The following ST3GAL1 variants were observed in gnomAD, a reference collection of about 807,000 sequenced individuals.
The protein encoded by ST3GAL1 is ST3 beta-galactoside alpha-2,3-sialyltransferase 1.
A neutral mutation model predicts 34.1 loss-of-function variants in ST3GAL1; 16 were observed. That is an observed-to-expected ratio of 0.47 (90% CI 0.32 to 0.71). The LOEUF (loss-of-function observed/expected upper bound fraction) is 0.71, where lower values mean the gene tolerates loss of function less well. Ranked by LOEUF, ST3GAL1 falls within the 30% of genes least tolerant of loss-of-function variation. ST3GAL1 has a pLI of 0.04. For missense variants in ST3GAL1, 353 were observed against 447.4 expected (o/e 0.79, Z 1.90); for synonymous variants, 191 against 184.7 (o/e 1.03, Z -0.28).
rs1312871761 is a variant in ST3GAL1 at position 133,469,887 on chromosome 8, T to C, written c.307-3797A>G. 6.6e-6 allele frequency among the ~76,000 whole-genome samples: 1 copy of C among 152,104 alleles called. No individual in the cohort carries two copies. Among genetic ancestry groups the C allele is most frequent in the Non-Finnish European group, 1.5e-5 (1 of 68,026 alleles). ...TTCAGAAATCTCAGACCCATTCCAA[T>C]CTTTCATTGGCAAAAGGGGAAATGG... On this transcript the variant is annotated intron_variant, in intron 5 of 9. Coordinates refer to ENST00000522652, the MANE Select transcript of ST3GAL1 (RefSeq NM_173344.3). The surrounding 1 kb of genome is among the most constrained non-coding windows in gnomAD (Gnocchi z 4.3).
rs1012568568 is a variant in ST3GAL1, at chr8:133,514,755, G to A, written c.-428-15566C>T. Reference sequence around the variant, plus strand: ...AATCCTGGGGCACTAGGTGGGGAGGGTCAGGGTTCAGACATCACATGGGTC... The same window carrying A: ...AATCCTGGGGCACTAGGTGGGGAGGATCAGGGTTCAGACATCACATGGGTC... On this transcript the variant is annotated intron_variant, in intron 2 of 9. Coordinates refer to ENST00000522652, the MANE Select transcript of ST3GAL1 (RefSeq NM_173344.3). Among the ~76,000 whole-genome samples, 16 of 152,228 alleles carry A rather than the reference G, an allele frequency of 1.1e-4. No individual in the cohort carries two copies. The East Asian group carries it at 2.7e-3, about 26-fold the overall frequency.
chr8:133,569,880 A>G (rs1436129752), intron 1 of ST3GAL1, among the ~76,000 whole-genome samples: 1 of 152,250 alleles, frequency 6.6e-6, no homozygotes, highest in Non-Finnish European at 1.5e-5. Flanking sequence ...TTCTACGAAC[A>G]GGCCAGGAGT....
At chr8:133,463,491 G>A in intron 7 of ST3GAL1, 32 bp from the exon 8 acceptor site, 2 of 1,612,892 alleles carry the variant, frequency 1.2e-6, no homozygotes, top group Non-Finnish European at 1.7e-6. Context: ...CTGGTTAATG[G>A]GGCAGGGGAC....
rs1394166881 is a variant in ST3GAL1 at position 133,475,935 on chromosome 8, G to A, written c.90C>T (p.His30=). 1.9e-6 allele frequency: 3 copies of A among 1,613,966 alleles called. No individual in the cohort carries two copies. In the African/African-American group the frequency reaches 4.0e-5, roughly 22 times the overall value. The change falls in exon 5 of 10, where the codon CAC becomes CAT. Residue 30 remains histidine, a synonymous_variant. Transcript: ENST00000522652. ...FLTSFFLNYS[H]TMVATTWFPK... is the part of the protein sequence containing the mutation. ...GGAACCAGGTGGTGGCCACCATGGT[G>A]TGGGAGTAGTTCAGGAAGAAGGAGG... is the stretch of plus-strand genomic sequence containing the variant.
chr8:133,506,665 A>T (rs929832961), intron 2 of ST3GAL1, among the ~76,000 whole-genome samples: 26 of 152,162 alleles, frequency 1.7e-4, no homozygotes, highest in Middle Eastern at 3.4e-3. Context: ...CGCACCTGTA[A>T]TCCCAGCTAC....
chr8:133,562,835 TTCCTTCC>T (rs1455003490), intron 1 of ST3GAL1, among the ~76,000 whole-genome samples: 6 of 103,702 alleles, frequency 5.8e-5, no homozygotes, highest in Non-Finnish European at 9.0e-5. Context: ...CCTTCCTTCC[TTCCTTCC>T]TTTCTTTCTT....
chr8:133,490,050 T>C (rs1431000388), intron 3 of ST3GAL1, among the ~76,000 whole-genome samples: 1 of 152,174 alleles, frequency 6.6e-6, no homozygotes, highest in African/African-American at 2.4e-5. Context: ...TGTGTGTGGA[T>C]GCCTGGCGAA....
At chr8:133,514,922 C>T (rs531107453) in intron 2 of ST3GAL1, among the ~76,000 whole-genome samples, 11 of 152,288 alleles carry the variant, frequency 7.2e-5, no homozygotes, top group Admixed American at 7.2e-4. Flanking sequence ...GTGCCGTCCT[C>T]CGATGGCCCC....
chr8:133,548,931 A>G (rs74888631), intron 1 of ST3GAL1, among the ~76,000 whole-genome samples: 2,083 of 152,354 alleles, frequency 0.014, 59 homozygotes, highest in African/African-American at 0.046. Context: ...AGCCAGATCA[A>G]TCTCAGAGAA....
intron 2 of ST3GAL1, among the ~76,000 whole-genome samples, chr8:133,504,924 T>G (rs1450593680): frequency 6.6e-6 from 1 of 151,946 alleles, no homozygotes; most frequent in South Asian, 2.1e-4. Flanking sequence ...GAGTTGGTAA[T>G]GGGGAGGAGA....
chr8:133,548,049 T>G (rs1818720243), intron 1 of ST3GAL1, among the ~76,000 whole-genome samples: 1 of 152,186 alleles, frequency 6.6e-6, no homozygotes. Context: ...TGGCACCTGC[T>G]GATGGGGGCA....
intron 1 of ST3GAL1, among the ~76,000 whole-genome samples, chr8:133,554,934 G>A (rs1254011236): frequency 6.6e-6 from 1 of 151,844 alleles, no homozygotes; most frequent in Non-Finnish European, 1.5e-5. Context: ...TCACCATGTT[G>A]GCCAGGATGG....
chr8:133,474,738 C>T (rs1290920071), intron 5 of ST3GAL1, among the ~76,000 whole-genome samples: 1 of 152,156 alleles, frequency 6.6e-6, no homozygotes, highest in Non-Finnish European at 1.5e-5. Context: ...ATGGCTGCTG[C>T]CTTCTCTGCC....
chr8:133,464,488 C>G (rs142931897), intron 7 of ST3GAL1, among the ~76,000 whole-genome samples: 52 of 152,372 alleles, frequency 3.4e-4, no homozygotes, highest in Non-Finnish European at 6.5e-4. Context: ...CTCACATGGG[C>G]TGACCCTTTC....
At position 133,547,687 on chromosome 8, in the gene ST3GAL1, C is replaced by A. The variant is rs151315315; in HGVS notation, c.-581-1761G>T. 1.3e-4 allele frequency among the ~76,000 whole-genome samples: 20 copies of A among 152,304 alleles called. No homozygotes were observed. The East Asian group carries it at 3.5e-3, about 26-fold the overall frequency. On this transcript the variant is annotated intron_variant, in intron 1 of 9. Coordinates refer to ENST00000522652, the MANE Select transcript of ST3GAL1 (RefSeq NM_173344.3). ...AACTGTGCAGACCAGATCATCAACC[C>A]ACAGAAATCATAAATGTCTGTTTGT...
intron 2 of ST3GAL1, among the ~76,000 whole-genome samples, chr8:133,520,065 A>G (rs928381117): frequency 5.3e-5 from 8 of 152,214 alleles, no homozygotes; most frequent in Non-Finnish European, 8.8e-5. Context: ...TTCCCCACTC[A>G]TCATTCTTTC....
chr8:133,466,702 C>A lies in ST3GAL1; in HGVS notation c.307-612G>T, dbSNP rs1347553892. 6.6e-6 allele frequency among the ~76,000 whole-genome samples: 1 copy of A among 152,202 alleles called. No individual in the cohort carries two copies. The highest frequency in any genetic ancestry group is 1.5e-5 in the Non-Finnish European group (1 of 68,044). ...TCTTTCCTGCCTGACCCTCAGTTCC[C>A]CCGGCCCCAGCACTGCTGGGCTCCA... is the stretch of plus-strand genomic sequence containing the variant. On this transcript the variant is annotated intron_variant, in intron 5 of 9. Coordinates refer to ENST00000522652, the MANE Select transcript of ST3GAL1 (RefSeq NM_173344.3). The surrounding 1 kb of genome is among the most constrained non-coding windows in gnomAD (Gnocchi z 4.4).
At chr8:133,503,427 T>C (rs1270474395) in intron 2 of ST3GAL1, among the ~76,000 whole-genome samples, 1 of 152,138 alleles carries the variant, frequency 6.6e-6, no homozygotes, top group Non-Finnish European at 1.5e-5. Context: ...AAGGATTCAG[T>C]GCCTGTAACA....
chr8:133,523,099 C>G (rs1817858754), intron 2 of ST3GAL1, among the ~76,000 whole-genome samples: 1 of 152,098 alleles, frequency 6.6e-6, no homozygotes, highest in Non-Finnish European at 1.5e-5. Context: ...TCTGTCACTC[C>G]CACCTGGCCC....
Sources: allele counts gnomAD v4.1 joint callset (sites outside exome capture counted in the v4.1 genomes callset), GRCh38; gene constraint gnomAD v4.1.1; non-coding constraint Gnocchi (gnomAD v3.1); transcripts MANE v1.5; gene names NCBI Gene and HGNC (gene_info 2026-07-23, HGNC 2026-07-21).